The following PKN3 variants were observed in gnomAD, a reference collection of about 807,000 sequenced individuals.
The protein encoded by PKN3 is protein kinase N3.
Under a neutral mutation model 113.1 loss-of-function variants are expected in PKN3, and 91 were observed. The observed-to-expected ratio is 0.80, with a 90% CI of 0.68 to 0.96. The LOEUF is 0.96. Ranked by LOEUF, PKN3 falls within the 40% of genes least tolerant of loss-of-function variation. The pLI is 0.00. For synonymous variants in PKN3, 467 were observed against 499.0 expected (o/e 0.94, Z 0.85); for missense variants, 1,052 against 1,202.2 (o/e 0.88, Z 1.85).
At chr9:128,711,619 G>A (rs982471865) in intron 6 of PKN3, among the ~76,000 whole-genome samples, 4 of 143,020 alleles carry the variant, frequency 2.8e-5, no homozygotes, top group African/African-American at 1.1e-4. Flanking sequence ...GGGGGTGGGG[G>A]ACAGAGTCTT....
chr9:128,705,281 C>T (rs768220256), intron 1 of PKN3, 22 bp from the exon 2 acceptor site: 45 of 1,549,378 alleles, frequency 2.9e-5, no homozygotes, highest in Non-Finnish European at 2.8e-5. Context: ...TCTCCACCCT[C>T]TGCTTTCCAC....
intron 18 of PKN3, among the ~76,000 whole-genome samples, chr9:128,719,197 CT>C (rs200029399): frequency 7.9e-5 from 11 of 139,724 alleles, no homozygotes; most frequent in African/African-American, 7.9e-5. Flanking sequence ...CGCCCGGCTT[CT>C]TTTTTTTTTG....
intron 3 of PKN3, 32 bp from the exon 4 acceptor site, chr9:128,706,681 T>A (rs1862027789): frequency 6.9e-7 from 1 of 1,451,872 alleles, no homozygotes; most frequent in Non-Finnish European, 9.2e-7. Context: ...GGCCCAGGCC[T>A]GGTCTGATGG....
chr9:128,718,567 CCTT>C lies in PKN3; in HGVS notation c.2070_2072del (p.Leu692del), dbSNP rs1862414294. 1.2e-6 allele frequency: 2 copies of C among 1,614,096 alleles called. No homozygotes were observed. The highest frequency in any genetic ancestry group is 2.2e-5 in the East Asian group (1 of 44,878). ...CCCTCAGGGACCTGAAGTTGGATAA[CCTT>C]CTGCTGGATGCCCAGGGATTCCTGA... On this transcript the variant is annotated inframe_deletion, in exon 18 of 22. Transcript: ENST00000291906.
chr9:128,713,481 C>G lies in PKN3; in HGVS notation c.1093-18C>G. ...CTCGTTCTGCACCCCACCCTTCAGC[C>G]TGGCCTCCCCAATACAGGCCCGTGA... On this transcript the variant is annotated intron_variant, in intron 8 of 21. Coordinates refer to ENST00000291906, the MANE Select transcript of PKN3 (RefSeq NM_013355.5). 1 of 1,613,962 alleles carries G rather than the reference C, an allele frequency of 6.2e-7. No individual in the cohort carries two copies. Among genetic ancestry groups the G allele is most frequent in the East Asian group, 2.2e-5 (1 of 44,876 alleles).
chr9:128,711,400 G>A (rs533760722), intron 6 of PKN3, among the ~76,000 whole-genome samples: 165 of 150,212 alleles, frequency 1.1e-3, no homozygotes, highest in Middle Eastern at 0.01. Flanking sequence ...TCTGCCTCCC[G>A]GGTTCACGCC....
chr9:128,718,458 G>T (rs1338462807), intron 17 of PKN3, 71 bp downstream of exon 17: 1 of 1,578,314 alleles, frequency 6.3e-7, no homozygotes, highest in Non-Finnish European at 8.7e-7. Context: ...GACAGATGCT[G>T]CCTCCGCCTG....
chr9:128,705,323 C>G lies in PKN3; in HGVS notation c.45C>G (p.Pro15=), dbSNP rs773015386. The G allele has an allele frequency of 2.6e-6, 4 of 1,560,264 alleles. No homozygotes were observed. Among genetic ancestry groups the G allele is most frequent in the African/African-American group, 1.4e-5 (1 of 73,474 alleles). ...TGCAGCCTGGGCCGAGCCAGTGGCCCCCAGAGGATGAGAAGGAGGTGATCC... is the reference window on the plus strand; with the variant it reads ...TGCAGCCTGGGCCGAGCCAGTGGCCGCCAGAGGATGAGAAGGAGGTGATCC... ...APRQPGPSQW[P]PEDEKEVIRR... The change falls in exon 2 of 22, where the codon CCC becomes CCG. Residue 15 remains proline (P), a synonymous_variant. Coordinates refer to ENST00000291906, the MANE Select transcript of PKN3 (RefSeq NM_013355.5).
Position 128,713,315 on chromosome 9 carries a change from T to C in PKN3, c.1020T>C (p.Val340=). 1 of 1,614,088 alleles carries C rather than the reference T, an allele frequency of 6.2e-7. No individual in the cohort carries two copies. Among genetic ancestry groups the C allele is most frequent in the Non-Finnish European group, 8.5e-7 (1 of 1,180,002 alleles). ...VLAVLKVDNR[V]VGQTGWGQVA... ...CTGTGCTAAAGGTGGACAACCGTGT[T>C]GTGGGGCAGACGGGCTGGGGGCAGG... Residue 340 remains valine, a synonymous_variant, in exon 8 of 22, where the codon GTT becomes GTC. Coordinates refer to ENST00000291906, the MANE Select transcript of PKN3 (RefSeq NM_013355.5).
Position 128,720,055 on chromosome 9 carries a change from G to A in PKN3, c.2376+38G>A, listed in dbSNP as rs773899328. The A allele has an allele frequency of 9.6e-6, 15 of 1,568,314 alleles. No individual in the cohort carries two copies. The East Asian group carries it at 1.1e-4, about 12-fold the overall frequency. On this transcript the variant is annotated intron_variant, in intron 20 of 21. Coordinates refer to ENST00000291906, the MANE Select transcript of PKN3 (RefSeq NM_013355.5). The surrounding 1 kb of genome is among the most constrained non-coding windows in gnomAD (Gnocchi z 5.5). ...GGGTCTGGGGCTGGGCTGGATGGCC[G>A]CTCAAGGCCCATGTGCCCTCTGCCG...
chr9:128,707,102 G>T, intron 5 of PKN3, 79 bp downstream of exon 5: 1 of 1,600,316 alleles, frequency 6.2e-7, no homozygotes, highest in Non-Finnish European at 8.6e-7. Context: ...AGGGAGGGTG[G>T]CCGTGTAAAA....
At chr9:128,710,256 GAGAT>G (rs1862138885) in intron 6 of PKN3, among the ~76,000 whole-genome samples, 2 of 151,924 alleles carry the variant, frequency 1.3e-5, no homozygotes, top group South Asian at 4.2e-4. Context: ...ATCTTGCACT[GAGAT>G]CTGTCTCCTT....
rs778265024 is a variant in PKN3, at chr9:128,705,856, A to G, written c.388A>G (p.Thr130Ala). 5 of 1,601,198 alleles carry G rather than the reference A, an allele frequency of 3.1e-6. No homozygotes were observed. In the South Asian group the frequency reaches 4.5e-5, roughly 14 times the overall value. ...VKQGAENMTH[T>A]CASGTPKERK... ...GCAGGGGGCTGAGAACATGACCCAC[A>G]CGTGCGCCAGTGGCACCCCCAAGGT... Residue 130 changes from threonine to alanine, a missense_variant, in exon 3 of 22, where the codon ACG becomes GCG. This residue lies in a region of PKN3 where 719 missense variants were observed against 759.4 expected (regional missense o/e 0.95). Coordinates refer to ENST00000291906, the MANE Select transcript of PKN3 (RefSeq NM_013355.5).
intron 11 of PKN3, 33 bp downstream of exon 11, chr9:128,714,398 C>G: frequency 1.9e-6 from 3 of 1,571,372 alleles, no homozygotes; most frequent in Non-Finnish European, 2.6e-6. Context: ...ACTGCATGCT[C>G]CTCTGTGGCG....
In PKN3 at chr9:128,720,492, C is replaced by T. The variant is rs948514717; in HGVS notation, c.2556C>T (p.Phe852=). ...PADLRYFEGE[F]TGLPPALTPP... ...ACCTGCGCTACTTTGAGGGCGAGTT[C>T]ACAGGGCTGCCGCCTGCCCTGACCC... The change falls in exon 22 of 22, where the codon TTC becomes TTT. Residue 852 remains phenylalanine, a synonymous_variant. Coordinates refer to ENST00000291906, the MANE Select transcript of PKN3 (RefSeq NM_013355.5). The surrounding 1 kb of genome is among the most constrained non-coding windows in gnomAD (Gnocchi z 5.5). 1 of 1,613,164 alleles carries T rather than the reference C, an allele frequency of 6.2e-7. No individual in the cohort carries two copies. Among genetic ancestry groups the T allele is most frequent in the Non-Finnish European group, 8.5e-7 (1 of 1,179,996 alleles).
chr9:128,711,947 T>C (rs1862193027), intron 6 of PKN3, among the ~76,000 whole-genome samples: 1 of 151,278 alleles, frequency 6.6e-6, no homozygotes. Context: ...TCTTGCTCTG[T>C]CGCCCAGGCT....
chr9:128,716,947 C>T lies in PKN3; in HGVS notation c.1985+24C>T, dbSNP rs190743784. 317 of 1,604,596 alleles carry T rather than the reference C, an allele frequency of 2.0e-4. 2 individuals carry two copies. The African/African-American group carries it at 3.5e-3, about 18-fold the overall frequency. On this transcript the variant is annotated intron_variant, in intron 16 of 21. Coordinates refer to ENST00000291906, the MANE Select transcript of PKN3 (RefSeq NM_013355.5). Reference sequence around the variant, plus strand: ...CGGTGGGTTCCATCCCTCCTGCCTGCCTCTTCCAGCAAACTTTGCCTGGTT... The same window carrying T: ...CGGTGGGTTCCATCCCTCCTGCCTGTCTCTTCCAGCAAACTTTGCCTGGTT...
At chr9:128,717,761 T>C (rs1165773366) in intron 16 of PKN3, among the ~76,000 whole-genome samples, 1 of 142,836 alleles carries the variant, frequency 7.0e-6, no homozygotes, top group Non-Finnish European at 1.5e-5. Context: ...GGTTCATGCC[T>C]GTAATCCCCA....
At chr9:128,710,673 G>A (rs1207594423) in intron 6 of PKN3, among the ~76,000 whole-genome samples, 1 of 151,940 alleles carries the variant, frequency 6.6e-6, no homozygotes, top group African/African-American at 2.4e-5. Context: ...TGTATTATTA[G>A]TAGAGACAGA....
Sources: allele counts gnomAD v4.1 joint callset (sites outside exome capture counted in the v4.1 genomes callset), GRCh38; gene constraint gnomAD v4.1.1; regional missense constraint gnomAD v4.1.1; non-coding constraint Gnocchi (gnomAD v3.1); transcripts MANE v1.5; gene names NCBI Gene and HGNC (gene_info 2026-07-23, HGNC 2026-07-21).